The following DST variants were observed in gnomAD, a reference collection of about 807,000 sequenced individuals.
DST encodes dystonin, also known as bullous pemphigoid antigen.
DST carries 253 observed loss-of-function variants against 875.2 expected under a neutral mutation model. That is an observed-to-expected ratio of 0.29 (90% CI 0.26 to 0.32). The LOEUF (loss-of-function observed/expected upper bound fraction) is 0.32, where lower values mean the gene tolerates loss of function less well. DST is among the 10% of genes least tolerant of loss of function. The pLI is 1.00. For missense variants in DST, 8,287 were observed against 9,111.6 expected, an observed-to-expected ratio of 0.91 and a Z score of 3.68; for synonymous variants, 3,124 against 3,197.1, an observed-to-expected ratio of 0.98 and a Z score of 0.77.
intron 61 of DST, among the ~76,000 whole-genome samples, chr6:56,549,924 T>C (rs1257378727): frequency 2.6e-5 from 4 of 152,178 alleles, no homozygotes; most frequent in Non-Finnish European, 5.9e-5. Context: ...TCTGACACTA[T>C]CCGTGTGACC....
Position 56,601,480 on chromosome 6 carries a change from G to A in DST, c.11504C>T (p.Thr3835Ile), listed in dbSNP as rs2098445835. The A allele has an allele frequency of 1.2e-6, 2 of 1,603,736 alleles. No individual in the cohort carries two copies. Among genetic ancestry groups the A allele is most frequent in the East Asian group, 2.2e-5 (1 of 44,592 alleles). ...SVTTQVERLETQLHLEQDLDD... is the reference protein window; with the variant it reads ...SVTTQVERLEIQLHLEQDLDD... ...AAGATCTTGTTCTAGATGTAACTGA[G>A]TCTCTAAACGTTCCACCTGGGTAGT... The change falls in exon 44 of 104, where the codon ACT becomes ATT. Residue 3835 changes from threonine to isoleucine, a missense_variant. Around this residue, in one of 10 missense-constraint regions of DST, gnomAD observed 3,138 missense variants for 3,116.6 expected, o/e 1.01. Coordinates refer to ENST00000680361, the MANE Select transcript of DST (RefSeq NM_001374736.1).
intron 72 of DST, among the ~76,000 whole-genome samples, chr6:56,511,765 C>A (rs1181110114): frequency 6.6e-6 from 1 of 151,912 alleles, no homozygotes; most frequent in African/African-American, 2.4e-5. Flanking sequence ...CCTACAGACA[C>A]CAAGTCATAT....
At chr6:56,573,232 A>C (rs564860765) in intron 51 of DST, among the ~76,000 whole-genome samples, 168 bp from the exon 52 acceptor site, 9 of 152,336 alleles carry the variant, frequency 5.9e-5, no homozygotes, top group African/African-American at 2.2e-4. Flanking sequence ...GAGGAATGCC[A>C]TCTTAAATCT....
At chr6:56,524,468 G>C (rs1419815083) in intron 69 of DST, among the ~76,000 whole-genome samples, 1 of 152,070 alleles carries the variant, frequency 6.6e-6, no homozygotes, top group Non-Finnish European at 1.5e-5. Flanking sequence ...TAATTTATGA[G>C]GAGGCACAGC....
intron 86 of DST, 85 bp downstream of exon 86, chr6:56,489,405 G>A: frequency 7.3e-7 from 1 of 1,371,598 alleles, no homozygotes; most frequent in Non-Finnish European, 9.6e-7. Flanking sequence ...CTTTAGTGAT[G>A]AATAAACACG....
chr6:56,657,916 C>G (rs1196332911), intron 10 of DST, among the ~76,000 whole-genome samples: 1 of 151,700 alleles, frequency 6.6e-6, no homozygotes. Context: ...CAGGCACCTA[C>G]CACCATGCCC....
At chr6:56,884,137 A>G (rs1407380667) in intron 3 of DST, among the ~76,000 whole-genome samples, 1 of 152,076 alleles carries the variant, frequency 6.6e-6, no homozygotes, top group Non-Finnish European at 1.5e-5. Context: ...TCTCAAAAAA[A>G]AAAAAATTCA....
At chr6:56,687,436 T>C (rs2099195291) in intron 9 of DST, among the ~76,000 whole-genome samples, 1 of 152,166 alleles carries the variant, frequency 6.6e-6, no homozygotes, top group Non-Finnish European at 1.5e-5. Context: ...TCCCACTATT[T>C]TCTAGCCCTG....
In DST at chr6:56,642,273, C is replaced by A; in HGVS notation, c.1872+137G>T. ...GTCTCTCAAGAGAGCAAACACCAAT[C>A]ATAATCTTTAACAAACTTTAAGTTT... On this transcript the variant is annotated intron_variant, in intron 16 of 103. Transcript: ENST00000680361. The A allele has an allele frequency of 1.4e-5, 12 of 876,930 alleles. No homozygotes were observed. The South Asian group carries it at 1.7e-4, about 12-fold the overall frequency. The allele number at this position is 876,930 out of a possible 1,614,324, so 54.3% of individuals were successfully genotyped here.
rs539352010 is a variant in DST at position 56,772,711 on chromosome 6, G to A, written c.626-37422C>T. ...CCAAAACAACATTTCATACATGAGC[G>A]AAAATTCCTCAGGAATGTTGCTGCC... On this transcript the variant is annotated intron_variant, in intron 4 of 103. Coordinates refer to ENST00000680361, the MANE Select transcript of DST (RefSeq NM_001374736.1). 2.6e-5 allele frequency among the ~76,000 whole-genome samples: 4 copies of A among 152,212 alleles called. No individual in the cohort carries two copies. The East Asian group carries it at 5.8e-4, about 22-fold the overall frequency.
intron 9 of DST, among the ~76,000 whole-genome samples, chr6:56,676,859 G>A (rs373894257): frequency 3.9e-5 from 6 of 152,088 alleles, no homozygotes; most frequent in East Asian, 1.9e-4. Flanking sequence ...AGAGTAGAAC[G>A]GTGGTTACCA....
At chr6:56,715,612 G>A (rs1473512682) in intron 5 of DST, among the ~76,000 whole-genome samples, 1 of 152,128 alleles carries the variant, frequency 6.6e-6, no homozygotes, top group Non-Finnish European at 1.5e-5. Flanking sequence ...CCTCTCTCTA[G>A]CAGTTACATC....
chr6:56,566,278 G>A (rs549710838), intron 55 of DST, among the ~76,000 whole-genome samples: 130 of 152,270 alleles, frequency 8.5e-4, no homozygotes, highest in African/African-American at 3.0e-3. Context: ...CTTGGTGTCC[G>A]CCCAAATGGC....
At position 56,624,455 on chromosome 6, in the gene DST, T is replaced by A. The variant is rs771784077; in HGVS notation, c.4929+75A>T. On this transcript the variant is annotated intron_variant, in intron 36 of 103. Coordinates refer to ENST00000680361, the MANE Select transcript of DST (RefSeq NM_001374736.1). ...AATTTATCATGAAACATGTTTTGCTTTCCCAAACTACACTGTAGTTACTGC... is the reference window on the plus strand; with the variant it reads ...AATTTATCATGAAACATGTTTTGCTATCCCAAACTACACTGTAGTTACTGC... 3 of 996,340 alleles carry A rather than the reference T, an allele frequency of 3.0e-6. No individual in the cohort carries two copies. In the African/African-American group the frequency reaches 4.8e-5, roughly 16 times the overall value. The allele number at this position is 996,340 out of a possible 1,614,324, so 61.7% of individuals were successfully genotyped here. A position where few individuals can be genotyped will look rare whatever the true frequency, so the allele number is the denominator to read the frequency against.
intron 4 of DST, among the ~76,000 whole-genome samples, chr6:56,771,932 C>T (rs1446911347): frequency 5.3e-5 from 8 of 152,172 alleles, no homozygotes. Flanking sequence ...TAGACATGTA[C>T]TTTGGCCTCT....
chr6:56,613,436 C>T (rs955816815), intron 37 of DST, among the ~76,000 whole-genome samples: 11 of 152,130 alleles, frequency 7.2e-5, no homozygotes, highest in Non-Finnish European at 1.5e-5. Context: ...GTGTTCTCCC[C>T]TATTTAGTCA....
chr6:56,763,213 C>A (rs533194858), intron 4 of DST, among the ~76,000 whole-genome samples: 256 of 152,226 alleles, frequency 1.7e-3, no homozygotes, highest in Non-Finnish European at 2.4e-3. Flanking sequence ...CCATACATGA[C>A]CATGTGTTCT....
Position 56,634,124 on chromosome 6 carries a change from A to G in DST, c.3621+8T>C. On this transcript the variant is annotated splice_region_variant and intron_variant, in intron 27 of 103. Coordinates refer to ENST00000680361, the MANE Select transcript of DST (RefSeq NM_001374736.1). ...ACATATCGAGTTGACATACAGATTC[A>G]TACTTACTGAAGCCACATTGCTAGC... The G allele has an allele frequency of 1.9e-6, 3 of 1,612,906 alleles. No individual in the cohort carries two copies. The highest frequency in any genetic ancestry group is 2.5e-6 in the Non-Finnish European group (3 of 1,180,004).
At chr6:56,718,535 C>G (rs2099402933) in intron 5 of DST, among the ~76,000 whole-genome samples, 1 of 152,168 alleles carries the variant, frequency 6.6e-6, no homozygotes, top group Non-Finnish European at 1.5e-5. Flanking sequence ...TACCATATGA[C>G]CCAACAATTC....
Sources: allele counts gnomAD v4.1 joint callset (sites outside exome capture counted in the v4.1 genomes callset), GRCh38; gene constraint gnomAD v4.1.1; regional missense constraint gnomAD v4.1.1; transcripts MANE v1.5; gene names NCBI Gene and HGNC (gene_info 2026-07-23, HGNC 2026-07-21).